CACNA1B: variants seen among roughly 807,000 people sequenced by gnomAD.
CACNA1B encodes voltage-dependent N-type calcium channel subunit alpha-1B.
In CACNA1B, 70 loss-of-function variants were observed where a neutral mutation model predicts 247.2. That is an observed-to-expected ratio of 0.28 (90% CI 0.23 to 0.35). The LOEUF (loss-of-function observed/expected upper bound fraction) is 0.35, where lower values mean the gene tolerates loss of function less well. CACNA1B is among the 10% of genes least tolerant of loss of function. The pLI, the probability that CACNA1B is intolerant of heterozygous loss-of-function variation, is 1.00. For synonymous variants in CACNA1B, 1,231 were observed against 1,294.4 expected (o/e 0.95, Z 1.05); for missense variants, 2,367 against 3,197.4 (o/e 0.74, Z 6.26).
At chr9:137,945,479 C>T (rs143945837) in intron 6 of CACNA1B, among the ~76,000 whole-genome samples, 4 of 152,236 alleles carry the variant, frequency 2.6e-5, no homozygotes, top group African/African-American at 7.2e-5. Context: ...CACTTTGGAA[C>T]GGTTCCCTTC....
At chr9:137,993,379 T>C (rs1470855741) in intron 15 of CACNA1B, among the ~76,000 whole-genome samples, 1 of 121,136 alleles carries the variant, frequency 8.3e-6, no homozygotes, top group Non-Finnish European at 1.6e-5. Flanking sequence ...ATTTTTATTT[T>C]GTCTGTCTAG....
In CACNA1B at chr9:137,928,614, C is replaced by CAGCAAAA. The variant is rs1490578426; in HGVS notation, c.966+11183_966+11184insAGCAAAA. The stretch of plus-strand genomic sequence containing the variant: ...TTGGAGATCTTTTTTTTAAATAACA[C>CAGCAAAA]TTTTGCTGCAATATAATCTGTGTAC... On this transcript the variant is annotated intron_variant, in intron 6 of 46. Transcript: ENST00000371372. Among the ~76,000 whole-genome samples the CAGCAAAA allele has an allele frequency of 2.6e-5, 4 of 152,166 alleles. No homozygotes were observed. The East Asian group carries it at 7.7e-4, about 29-fold the overall frequency.
Position 138,050,049 on chromosome 9 carries a change from T to C in CACNA1B, c.3710+734T>C. The C allele has an allele frequency of 7.8e-7, 1 of 1,289,252 alleles. No homozygotes were observed. The highest frequency in any genetic ancestry group is 1.5e-5 in the African/African-American group (1 of 65,966). The allele number at this position is 1,289,252 out of a possible 1,614,324, so 79.9% of individuals were successfully genotyped here. On this transcript the variant is annotated intron_variant, in intron 24 of 46. Coordinates refer to ENST00000371372, the MANE Select transcript of CACNA1B (RefSeq NM_000718.4). This position sits in a 1 kb window ranked among gnomAD's most constrained non-coding sequence, Gnocchi z 5.2. ...CTGGTGCCACTGACTCTGTTCTCTT[T>C]GTCTTCCTCTTGCTGGACTCGGCAG...
chr9:137,878,258 C>A lies in CACNA1B; in HGVS notation c.284+41C>A, dbSNP rs1197834827. 20 of 243,182 alleles carry A rather than the reference C, an allele frequency of 8.2e-5. No homozygotes were observed. The East Asian group carries it at 3.2e-3, about 39-fold the overall frequency. The allele number at this position is 243,182 out of a possible 1,614,324, so 15.1% of individuals were successfully genotyped here. Reference sequence around the variant, plus strand: ...GGGCCGGGCGGGGCCGGGCGGGGACCGGGGTGGGGGCCGGGGCCGGGGCCA... The same window carrying A: ...GGGCCGGGCGGGGCCGGGCGGGGACAGGGGTGGGGGCCGGGGCCGGGGCCA... On this transcript the variant is annotated intron_variant, in intron 1 of 46. Coordinates refer to ENST00000371372, the MANE Select transcript of CACNA1B (RefSeq NM_000718.4).
At chr9:137,948,178 G>T (rs1240300671) in intron 6 of CACNA1B, among the ~76,000 whole-genome samples, 2 of 151,820 alleles carry the variant, frequency 1.3e-5, no homozygotes, top group Non-Finnish European at 2.9e-5. Context: ...ACAGGGTTTC[G>T]CCATGTTGGC....
In CACNA1B at chr9:138,082,031, T is replaced by G. The variant is rs552725483; in HGVS notation, c.5094+3773T>G. 6.4e-4 allele frequency among the ~76,000 whole-genome samples: 97 copies of G among 151,354 alleles called. 1 individual carries two copies. Among genetic ancestry groups the G allele is most frequent in the Admixed American group, 2.4e-3 (36 of 15,252 alleles). Reference sequence around the variant, plus strand: ...AAATTAAATAACTAAATGTAAGAGCTATAACTATAAAGCTCTTAGAAGAAA... The same window carrying G: ...AAATTAAATAACTAAATGTAAGAGCGATAACTATAAAGCTCTTAGAAGAAA... On this transcript the variant is annotated intron_variant, in intron 36 of 46. Transcript: ENST00000371372.
At chr9:137,982,070 C>T (rs1958300715) in intron 12 of CACNA1B, among the ~76,000 whole-genome samples, 1 of 152,150 alleles carries the variant, frequency 6.6e-6, no homozygotes, top group Admixed American at 6.5e-5. Context: ...TTGACTTTTC[C>T]TGCTGGGGAA....
chr9:137,932,531 A>G (rs1957619516), intron 6 of CACNA1B, among the ~76,000 whole-genome samples: 2 of 152,202 alleles, frequency 1.3e-5, no homozygotes, highest in South Asian at 2.1e-4. Flanking sequence ...GGTCTTTGCT[A>G]AGGTGGCCCT....
At chr9:138,002,894 G>A (rs1219506165) in intron 15 of CACNA1B, among the ~76,000 whole-genome samples, 5 of 150,806 alleles carry the variant, frequency 3.3e-5, no homozygotes, top group Admixed American at 1.3e-4. Context: ...TCCGCCTCCC[G>A]GGTTCAAGCG....
chr9:137,891,373 T>C lies in CACNA1B; in HGVS notation c.530+8490T>C, dbSNP rs1957096668. On this transcript the variant is annotated intron_variant, in intron 3 of 46. Coordinates refer to ENST00000371372, the MANE Select transcript of CACNA1B (RefSeq NM_000718.4). This position sits in a 1 kb window ranked among gnomAD's most constrained non-coding sequence, Gnocchi z 4.3. ...CTGGGGGCTGGCCTGTTCGAAGCCG[T>C]CCGTGGCCTCCGGTCCAGGCTCGGG... is the stretch of plus-strand genomic sequence containing the variant. 1 of 152,864 alleles carries C rather than the reference T, an allele frequency of 6.5e-6. No homozygotes were observed. The highest frequency in any genetic ancestry group is 2.4e-5 in the African/African-American group (1 of 41,450). The allele number at this position is 152,864 out of a possible 1,614,324, so 9.5% of individuals were successfully genotyped here.
At chr9:137,987,147 T>C (rs1433011198) in intron 15 of CACNA1B, among the ~76,000 whole-genome samples, 1 of 152,126 alleles carries the variant, frequency 6.6e-6, no homozygotes. Flanking sequence ...CACCAGTGTA[T>C]CTCTTAGCTC....
rs1490299022 is a variant in CACNA1B, at chr9:138,051,832, GTTC to G, written c.3711-255_3711-253del. Reference sequence around the variant, plus strand: ...GGTGGGAGGGGTGTCAGGGGTGATGGTTCTTCTCCTTGTGCACCAGATGCTGCT... The same window carrying G: ...GGTGGGAGGGGTGTCAGGGGTGATGGTTCTCCTTGTGCACCAGATGCTGCT... On this transcript the variant is annotated intron_variant, in intron 24 of 46. Coordinates refer to ENST00000371372, the MANE Select transcript of CACNA1B (RefSeq NM_000718.4). The surrounding 1 kb of genome is among the most constrained non-coding windows in gnomAD (Gnocchi z 4.3). Among the ~76,000 whole-genome samples, 5 of 152,262 alleles carry G rather than the reference GTTC, an allele frequency of 3.3e-5. No individual in the cohort carries two copies. In the East Asian group the frequency reaches 5.8e-4, roughly 18 times the overall value.
In CACNA1B at chr9:138,072,243, A is replaced by T. The variant is rs1960158202; in HGVS notation, c.4675-1245A>T. ...ATCCCGCCTGAGAGCCAGTACCTCG[A>T]GTTGAATCCTCAGCCACCCTGCCCC... On this transcript the variant is annotated intron_variant, in intron 32 of 46. Coordinates refer to ENST00000371372, the MANE Select transcript of CACNA1B (RefSeq NM_000718.4). The surrounding 1 kb of genome is among the most constrained non-coding windows in gnomAD (Gnocchi z 4.5). Among the ~76,000 whole-genome samples, 1 of 152,130 alleles carries T rather than the reference A, an allele frequency of 6.6e-6. No individual in the cohort carries two copies. The highest frequency in any genetic ancestry group is 1.5e-5 in the Non-Finnish European group (1 of 68,022).
intron 6 of CACNA1B, among the ~76,000 whole-genome samples, chr9:137,949,488 G>A (rs539831883): frequency 1.9e-4 from 29 of 150,172 alleles, no homozygotes; most frequent in African/African-American, 6.4e-4. Context: ...TGTGTGTGTC[G>A]TGTGTGGTGC....
rs1253903878 is a variant in CACNA1B at position 137,957,531 on chromosome 9, C to T, written c.1244-67C>T. 6 of 1,210,732 alleles carry T rather than the reference C, an allele frequency of 5.0e-6. No individual in the cohort carries two copies. The highest frequency in any genetic ancestry group is 5.7e-6 in the Non-Finnish European group (5 of 870,508). The allele number at this position is 1,210,732 out of a possible 1,614,324, so 75.0% of individuals were successfully genotyped here. A position where few individuals can be genotyped will look rare whatever the true frequency, so the allele number is the denominator to read the frequency against. On this transcript the variant is annotated intron_variant, in intron 9 of 46. Transcript: ENST00000371372. This position sits in a 1 kb window ranked among gnomAD's most constrained non-coding sequence, Gnocchi z 4.7. ...GTCCCAGGGGGAGGGTGATCCCATG[C>T]CCCGCTGAGGCAGGTGGCCTGAGGG...
At chr9:137,893,871 C>T (rs1047960840) in intron 3 of CACNA1B, among the ~76,000 whole-genome samples, 6 of 152,186 alleles carry the variant, frequency 3.9e-5, no homozygotes, top group African/African-American at 9.7e-5. Context: ...CAGCCCGTCC[C>T]GGGAGGGCCC....
intron 10 of CACNA1B, among the ~76,000 whole-genome samples, chr9:137,967,117 C>A (rs891796032): frequency 6.6e-6 from 1 of 152,084 alleles, no homozygotes; most frequent in African/African-American, 2.4e-5. Context: ...TTGCTCCTCT[C>A]CTCCCTTGCT....
Position 137,984,257 on chromosome 9 carries a change from C to T in CACNA1B, c.1769+7C>T. On this transcript the variant is annotated splice_region_variant and intron_variant, in intron 13 of 46. Transcript: ENST00000371372. ...GGATCTTCAAAGTCACGAAGTACGT[C>T]CCCTGCGCTCCCAGGCGAGGGCAGG... is the stretch of plus-strand genomic sequence containing the variant. The T allele has an allele frequency of 6.4e-7, 1 of 1,558,342 alleles. No individual in the cohort carries two copies. Among genetic ancestry groups the T allele is most frequent in the Non-Finnish European group, 8.7e-7 (1 of 1,146,958 alleles).
At chr9:138,101,055 G>A (rs764405612) in intron 37 of CACNA1B, 2 of 487,432 alleles carry the variant, frequency 4.1e-6, no homozygotes, top group South Asian at 1.5e-5. Flanking sequence ...CGGGAGGGTC[G>A]GGCTCCATCC....
Sources: allele counts gnomAD v4.1 joint callset (sites outside exome capture counted in the v4.1 genomes callset), GRCh38; gene constraint gnomAD v4.1.1; non-coding constraint Gnocchi (gnomAD v3.1); transcripts MANE v1.5; gene names NCBI Gene and HGNC (gene_info 2026-07-23, HGNC 2026-07-21).